TNFAIP8: variants seen among roughly 807,000 people sequenced by gnomAD.
TNFAIP8 encodes TNF alpha induced protein 8.
TNFAIP8 carries 7 observed loss-of-function variants against 13.3 expected under a neutral mutation model. The observed-to-expected ratio is 0.52, with a 90% CI of 0.30 to 0.99. The LOEUF (loss-of-function observed/expected upper bound fraction) is 0.99, where lower values mean the gene tolerates loss of function less well. TNFAIP8 is among the 50% of genes least tolerant of loss of function. The pLI, the probability that TNFAIP8 is intolerant of heterozygous loss-of-function variation, is 0.07. For synonymous variants in TNFAIP8, 94 were observed against 87.6 expected (o/e 1.07, Z -0.41); for missense variants, 258 against 236.9 (o/e 1.09, Z -0.58).
intron 1 of TNFAIP8, among the ~76,000 whole-genome samples, chr5:119,295,629 A>C (rs1017732905): frequency 3.3e-5 from 5 of 152,034 alleles, no homozygotes; most frequent in Admixed American, 2.6e-4. Flanking sequence ...TTTTGGTTCC[A>C]TATGAACTTT....
At chr5:119,375,440 T>C (rs1010414679) in intron 1 of TNFAIP8, among the ~76,000 whole-genome samples, 2 of 152,232 alleles carry the variant, frequency 1.3e-5, no homozygotes, top group African/African-American at 2.4e-5. Flanking sequence ...TATTTTATTT[T>C]GCAACTACTT....
chr5:119,314,416 T>C (rs1421481935), intron 1 of TNFAIP8, among the ~76,000 whole-genome samples: 3 of 152,224 alleles, frequency 2.0e-5, no homozygotes, highest in African/African-American at 7.2e-5. Context: ...CTCTCTGTCA[T>C]ATACACATGC....
At chr5:119,268,900 T>A (rs1275156638) in exon 1 of TNFAIP8, 2 of 699,892 alleles carry the variant, frequency 2.9e-6, no homozygotes, top group Non-Finnish European at 5.2e-6. Context: ...GTCGCGCCAC[T>A]CCTCCGAGTA....
intron 1 of TNFAIP8, among the ~76,000 whole-genome samples, chr5:119,340,455 T>C (rs546194439): frequency 6.6e-6 from 1 of 152,362 alleles, no homozygotes; most frequent in East Asian, 1.9e-4. Flanking sequence ...TCTGAGCTCC[T>C]GAGGCCACCA....
intron 1 of TNFAIP8, among the ~76,000 whole-genome samples, chr5:119,292,679 TATATATACACACAC>T (rs1270751628): frequency 5.5e-4 from 21 of 38,472 alleles, no homozygotes; most frequent in African/African-American, 1.5e-3. Context: ...TATATATATA[TATATATACACACAC>T]ACACAATGAA....
chr5:119,383,355 T>C (rs1752556797), intron 1 of TNFAIP8, among the ~76,000 whole-genome samples: 1 of 152,228 alleles, frequency 6.6e-6, no homozygotes, highest in African/African-American at 2.4e-5. Context: ...AGTATTCCCT[T>C]TGGATGATAA....
chr5:119,377,177 G>A (rs1343567360), intron 1 of TNFAIP8, among the ~76,000 whole-genome samples: 2 of 152,120 alleles, frequency 1.3e-5, no homozygotes, highest in Admixed American at 6.5e-5. Flanking sequence ...CAAGACAGGA[G>A]GATTGCTTGA....
chr5:119,381,568 G>A lies in TNFAIP8; in HGVS notation c.32-11248G>A, dbSNP rs1022061212. On this transcript the variant is annotated intron_variant, in intron 1 of 1. Transcript: ENST00000504771. ...AATAAAAAATAAAAATTAAAAAAAC[G>A]GAGTACAGAGACTATATACCACAGT... Among the ~76,000 whole-genome samples, 7 of 151,872 alleles carry A rather than the reference G, an allele frequency of 4.6e-5. No homozygotes were observed. In the East Asian group the frequency reaches 7.7e-4, roughly 17 times the overall value.
intron 1 of TNFAIP8, among the ~76,000 whole-genome samples, chr5:119,345,923 A>G (rs1399265610): frequency 6.6e-6 from 1 of 152,256 alleles, no homozygotes; most frequent in Non-Finnish European, 1.5e-5. Flanking sequence ...TAAGAAAAAG[A>G]GAAGTAGTTC....
intron 1 of TNFAIP8, among the ~76,000 whole-genome samples, chr5:119,339,470 T>G (rs891387707): frequency 2.0e-5 from 3 of 151,422 alleles, no homozygotes; most frequent in Admixed American, 6.6e-5. Context: ...TTTTTTTTTT[T>G]TTTTTTTTTT....
intron 1 of TNFAIP8, 112 bp downstream of exon 1, chr5:119,356,233 C>A: frequency 9.9e-7 from 1 of 1,005,720 alleles, no homozygotes; most frequent in Non-Finnish European, 1.4e-6. Context: ...ACTTTGTCCG[C>A]TTGCCCTGCG....
At chr5:119,324,507 A>G (rs2112694874) in intron 1 of TNFAIP8, among the ~76,000 whole-genome samples, 1 of 152,068 alleles carries the variant, frequency 6.6e-6, no homozygotes, top group East Asian at 1.9e-4. Context: ...CCCAAGTTCT[A>G]GGGAGTTTTT....
rs778971105 is a variant in TNFAIP8 at position 119,392,927 on chromosome 5, G to A, written c.143G>A (p.Ser48Asn). The A allele has an allele frequency of 2.5e-6, 4 of 1,606,830 alleles. No homozygotes were observed. Among genetic ancestry groups the A allele is most frequent in the Admixed American group, 1.7e-5 (1 of 58,892 alleles). The change falls in exon 2 of 2, where the codon AGT becomes AAT. Residue 48 changes from serine (S) to asparagine (N), a missense_variant. Coordinates refer to ENST00000504771, the MANE Select transcript of TNFAIP8 (RefSeq NM_014350.4). The stretch of plus-strand genomic sequence containing the variant: ...ACCACCTTAATAGACGACACAAGTA[G>A]TGAGGTGCTGGATGAGCTCTACAGA... ...IATTLIDDTS[S>N]EVLDELYRVT...
In TNFAIP8 at chr5:119,395,964, G is replaced by A. The variant is rs1394482420; in HGVS notation, c.*2583G>A. The A allele has an allele frequency of 1.3e-5, 2 of 152,102 alleles. No homozygotes were observed. Among genetic ancestry groups the A allele is most frequent in the African/African-American group, 4.8e-5 (2 of 41,390 alleles). The allele number at this position is 152,102 out of a possible 1,614,324, so 9.4% of individuals were successfully genotyped here. A position where few individuals can be genotyped will look rare whatever the true frequency, so the allele number is the denominator to read the frequency against. On this transcript the variant is annotated 3_prime_UTR_variant, in exon 2 of 2. Transcript: ENST00000504771. The stretch of plus-strand genomic sequence containing the variant: ...AAAATTATGAGTGGATATGATAAGT[G>A]GATGATAATACTAATGGACAACTAA...
At chr5:119,306,127 C>G (rs116092160) in intron 1 of TNFAIP8, among the ~76,000 whole-genome samples, 2,032 of 152,310 alleles carry the variant, frequency 0.013, 54 homozygotes, top group African/African-American at 0.047. Flanking sequence ...CCAACCCCCT[C>G]TACCTCTAGC....
At chr5:119,378,610 T>C (rs950025640) in intron 1 of TNFAIP8, among the ~76,000 whole-genome samples, 1 of 152,212 alleles carries the variant, frequency 6.6e-6, no homozygotes, top group Non-Finnish European at 1.5e-5. Flanking sequence ...TTGGGATCTT[T>C]GCATGGAAGA....
At chr5:119,377,947 G>T (rs577402477) in intron 1 of TNFAIP8, among the ~76,000 whole-genome samples, 2 of 152,238 alleles carry the variant, frequency 1.3e-5, no homozygotes, top group South Asian at 4.1e-4. Flanking sequence ...AGATGGCCAG[G>T]AGGGATGTGG....
intron 1 of TNFAIP8, among the ~76,000 whole-genome samples, chr5:119,325,192 C>T (rs1261864410): frequency 6.6e-6 from 1 of 152,202 alleles, no homozygotes; most frequent in East Asian, 1.9e-4. Flanking sequence ...GGGTCATTGT[C>T]ATAACCCCGC....
At chr5:119,341,704 A>AT (rs950119074) in intron 1 of TNFAIP8, among the ~76,000 whole-genome samples, 73 of 151,280 alleles carry the variant, frequency 4.8e-4, no homozygotes, top group African/African-American at 1.0e-3. Flanking sequence ...CACGGAAGTC[A>AT]TTTTTTTTTG....
Sources: gnomAD v4.1 joint callset for allele counts (sites outside exome capture counted in the v4.1 genomes callset) on GRCh38, gnomAD v4.1.1 for gene constraint, MANE v1.5 for transcripts, NCBI Gene and HGNC (gene_info 2026-07-23, HGNC 2026-07-21) for gene names.